The following MICAL3 variants were observed in gnomAD, a reference collection of about 807,000 sequenced individuals.
MICAL3 encodes the protein [F-actin]-monooxygenase MICAL3.
Under a neutral mutation model 207.4 loss-of-function variants are expected in MICAL3, and 62 were observed. The ratio of observed to expected loss-of-function variants is 0.30; its 90% confidence interval spans 0.24 to 0.37. The LOEUF (loss-of-function observed/expected upper bound fraction) is 0.37, where lower values mean the gene tolerates loss of function less well. Among genes scored for constraint, MICAL3 ranks in the 10% least tolerant of loss-of-function variants. MICAL3 has a pLI of 1.00. For missense variants in MICAL3, 2,368 were observed against 2,635.6 expected, an observed-to-expected ratio of 0.90 and a Z score of 2.22; for synonymous variants, 1,077 against 1,069.3, an observed-to-expected ratio of 1.01 and a Z score of -0.14.
chr22:17,953,316 G>A lies in MICAL3; in HGVS notation c.-74-46430C>T, dbSNP rs76112560. ...GAACCTCTCTGAAACCAGTCCTAAG[G>A]TCAGCTCCCAGCTAATGGATGATCG... is the stretch of plus-strand genomic sequence containing the variant. On this transcript the variant is annotated intron_variant, in intron 1 of 31. Transcript: ENST00000441493. Among the ~76,000 whole-genome samples, 522 of 152,184 alleles carry A rather than the reference G, an allele frequency of 3.4e-3. 8 individuals carry two copies. The highest frequency in any genetic ancestry group is 0.012 in the African/African-American group (506 of 41,498).
chr22:17,908,823 G>A (rs776155870), intron 1 of MICAL3, among the ~76,000 whole-genome samples: 11 of 152,222 alleles, frequency 7.2e-5, no homozygotes, highest in Non-Finnish European at 1.5e-4. Flanking sequence ...CAGCAGGCAT[G>A]TAGAAGCAAG....
intron 7 of MICAL3, chr22:17,899,225 G>T: frequency 1.6e-6 from 1 of 608,784 alleles, no homozygotes; most frequent in Non-Finnish European, 3.0e-6. Flanking sequence ...CGGTAGGTAC[G>T]TGAGGGTTCA....
chr22:17,968,458 C>T (rs149593747), intron 1 of MICAL3, among the ~76,000 whole-genome samples: 2,326 of 152,284 alleles, frequency 0.015, 26 homozygotes, highest in Non-Finnish European at 0.023. Context: ...AGACTCAAAC[C>T]GGAGACCTCA....
At chr22:17,886,730 T>C (rs1929899768) in intron 15 of MICAL3, among the ~76,000 whole-genome samples, 1 of 147,350 alleles carries the variant, frequency 6.8e-6, no homozygotes, top group African/African-American at 2.5e-5. Flanking sequence ...GCTTGAACCC[T>C]GGAGGTGCAG....
chr22:17,894,796 C>CAAAAA (rs549154429), intron 10 of MICAL3, among the ~76,000 whole-genome samples: 2 of 78,324 alleles, frequency 2.6e-5, no homozygotes, highest in Non-Finnish European at 6.1e-5. Context: ...GATTCCATCT[C>CAAAAA]AAAAAAAAAA....
At position 17,885,973 on chromosome 22, in the gene MICAL3, C is replaced by T. The variant is rs966030706; in HGVS notation, c.2146G>A (p.Val716Ile). 8.1e-6 allele frequency: 13 copies of T among 1,613,926 alleles called. 1 individual carries two copies. The highest frequency in any genetic ancestry group is 2.7e-5 in the African/African-American group (2 of 74,938). The change falls in exon 16 of 32, where the codon GTT becomes ATT. Residue 716 changes from valine (V) to isoleucine (I), a missense_variant. Coordinates refer to ENST00000441493, the MANE Select transcript of MICAL3 (RefSeq NM_015241.3). ...TACTTCACTTTGTTCTGGTTCCCAA[C>T]GGCAACGTCCATCCTCCTGTCTGTC... ...TLTDRRMDVAVGNQNKVKYMA... is the reference protein window; with the variant it reads ...TLTDRRMDVAIGNQNKVKYMA...
chr22:17,999,290 A>G (rs1294686015), intron 1 of MICAL3, among the ~76,000 whole-genome samples: 2 of 152,196 alleles, frequency 1.3e-5, no homozygotes, highest in East Asian at 3.8e-4. Flanking sequence ...AGGGCAACAC[A>G]TGATCCAGGA....
At chr22:17,897,084 G>T in intron 7 of MICAL3, 103 bp from the exon 8 acceptor site, 1 of 1,363,044 alleles carries the variant, frequency 7.3e-7, no homozygotes, top group Non-Finnish European at 9.9e-7. Flanking sequence ...CCCCTAAAGT[G>T]ACTCCACGTT....
intron 1 of MICAL3, among the ~76,000 whole-genome samples, chr22:18,021,137 T>G (rs748605397): frequency 4.6e-5 from 7 of 152,344 alleles, no homozygotes; most frequent in Middle Eastern, 6.8e-3. Flanking sequence ...CTGGATCAAC[T>G]GGACATTTTC....
chr22:17,789,665 T>C lies in MICAL3; in HGVS notation c.*1067A>G, dbSNP rs1280848646. 2 of 152,182 alleles carry C rather than the reference T, an allele frequency of 1.3e-5. No homozygotes were observed. Among genetic ancestry groups the C allele is most frequent in the African/African-American group, 2.4e-5 (1 of 41,416 alleles). 9.4% of individuals were successfully genotyped at this position (152,182 alleles called of 1,614,324 possible). ...AGGCCAGTGATACGAAGAGAAAGGC[T>C]AATAAATAGATGCACGTGAGGAGCA... On this transcript the variant is annotated 3_prime_UTR_variant, in exon 32 of 32. Transcript: ENST00000441493.
At chr22:18,000,073 G>T (rs116799650) in intron 1 of MICAL3, among the ~76,000 whole-genome samples, 14 of 152,112 alleles carry the variant, frequency 9.2e-5, no homozygotes, top group Non-Finnish European at 1.8e-4. Flanking sequence ...TCCCGCAGGC[G>T]GCAGCGACTG....
At chr22:17,987,505 CCCCCTGGG>C (rs761438341) in intron 1 of MICAL3, among the ~76,000 whole-genome samples, 6 of 152,240 alleles carry the variant, frequency 3.9e-5, no homozygotes, top group Non-Finnish European at 8.8e-5. Context: ...GGGCCTTCTG[CCCCCTGGG>C]CAGCCTAGCA....
At chr22:17,805,283 A>C (rs879552870) in intron 29 of MICAL3, among the ~76,000 whole-genome samples, 7 of 152,270 alleles carry the variant, frequency 4.6e-5, no homozygotes, top group Non-Finnish European at 7.3e-5. Context: ...CAGAAGCAGG[A>C]GAGAAAGCAG....
At position 17,896,816 on chromosome 22, in the gene MICAL3, T is replaced by C. The variant is rs1318478709; in HGVS notation, c.1114A>G (p.Thr372Ala). 1 of 1,614,092 alleles carries C rather than the reference T, an allele frequency of 6.2e-7. No individual in the cohort carries two copies. The highest frequency in any genetic ancestry group is 2.2e-5 in the East Asian group (1 of 44,886). Residue 372 changes from threonine to alanine, a missense_variant, in exon 8 of 32, where the codon ACT becomes GCT. Physicochemically the swap from Thr to Ala is moderately conservative, Grantham distance 58. This residue lies in a region of MICAL3 where 400 missense variants were observed against 547.0 expected (regional missense o/e 0.73). Transcript: ENST00000441493. ...GCGTTCTCGGAGGCATACATACAAG[T>C]GAAGTCAAACATGGCCACATCGGGC... ...GQPDVAMFDF[T>A]CMYASENAAL... is the part of the protein sequence containing the mutation.
chr22:17,863,574 A>C, intron 19 of MICAL3: 4 of 985,480 alleles, frequency 4.1e-6, no homozygotes, highest in Non-Finnish European at 4.8e-6. Context: ...TGGCTATAAA[A>C]TGTTGGTCCC....
chr22:17,885,433 C>G (rs1929783426), intron 16 of MICAL3, among the ~76,000 whole-genome samples: 1 of 151,950 alleles, frequency 6.6e-6, no homozygotes, highest in Admixed American at 6.6e-5. Flanking sequence ...TTAAGAATGA[C>G]CTCATCTACA....
chr22:17,796,116 G>C lies in MICAL3; in HGVS notation c.5651-4815C>G, dbSNP rs1189717930. Reference sequence around the variant, plus strand: ...AGCACTCCTGCGTGCCCTGGGCGCTGGCCACCCCTCCTGAGCTCCCGAGCA... The same window carrying C: ...AGCACTCCTGCGTGCCCTGGGCGCTCGCCACCCCTCCTGAGCTCCCGAGCA... On this transcript the variant is annotated intron_variant, in intron 29 of 31. Transcript: ENST00000441493. This position sits in a 1 kb window ranked among gnomAD's most constrained non-coding sequence, Gnocchi z 4.4. 6.6e-6 allele frequency among the ~76,000 whole-genome samples: 1 copy of C among 152,146 alleles called. No individual in the cohort carries two copies. Among genetic ancestry groups the C allele is most frequent in the African/African-American group, 2.4e-5 (1 of 41,436 alleles).
intron 1 of MICAL3, chr22:18,020,284 A>G (rs1296504445): frequency 1.3e-5 from 2 of 151,914 alleles, no homozygotes; most frequent in Non-Finnish European, 2.9e-5. Context: ...GATAAACTAC[A>G]CTTCTTTTTC....
Position 17,863,848 on chromosome 22 carries a change from C to T in MICAL3, c.2605+1051G>A, listed in dbSNP as rs1569101185. On this transcript the variant is annotated intron_variant, in intron 19 of 31. Coordinates refer to ENST00000441493, the MANE Select transcript of MICAL3 (RefSeq NM_015241.3). ...TGTCCCACCATGGAAATTCTATGAC[C>T]AACTCCTCCTCCACATTTCCTGGCA... 3.0e-6 allele frequency: 3 copies of T among 985,352 alleles called. No homozygotes were observed. The South Asian group carries it at 1.4e-4, about 46-fold the overall frequency. The allele number at this position is 985,352 out of a possible 1,614,324, so 61.0% of individuals were successfully genotyped here. A position where few individuals can be genotyped will look rare whatever the true frequency, so the allele number is the denominator to read the frequency against.
Sources: gnomAD v4.1 joint callset for allele counts (sites outside exome capture counted in the v4.1 genomes callset) on GRCh38, gnomAD v4.1.1 for gene constraint, gnomAD v4.1.1 regional missense constraint, Gnocchi (gnomAD v3.1) non-coding constraint, MANE v1.5 for transcripts, NCBI Gene and HGNC (gene_info 2026-07-23, HGNC 2026-07-21) for gene names.